PDZRN4: variants seen among roughly 807,000 people sequenced by gnomAD.
The protein encoded by PDZRN4 is PDZ domain-containing RING finger protein 4.
PDZRN4 carries 70 observed loss-of-function variants against 99.0 expected under a neutral mutation model. That is an observed-to-expected ratio of 0.71 (90% confidence interval 0.58 to 0.86). The LOEUF is 0.86. Ranked by LOEUF, PDZRN4 falls within the 40% of genes least tolerant of loss-of-function variation. The probability of loss-of-function intolerance (pLI) is 0.00; values close to 1 mark genes in which losing one functional copy is unlikely to be tolerated. For missense variants in PDZRN4, 1,474 were observed against 1,331.2 expected, an observed-to-expected ratio of 1.11 and a Z score of -1.67; for synonymous variants, 551 against 501.6, an observed-to-expected ratio of 1.10 and a Z score of -1.32.
intron 3 of PDZRN4, among the ~76,000 whole-genome samples, chr12:41,212,375 T>G (rs2120700853): frequency 6.6e-6 from 1 of 152,128 alleles, no homozygotes; most frequent in South Asian, 2.1e-4. Flanking sequence ...TTTTTTTCCC[T>G]ACTATTTTTA....
At chr12:41,264,616 A>T (rs1454957808) in intron 3 of PDZRN4, among the ~76,000 whole-genome samples, 2 of 152,218 alleles carry the variant, frequency 1.3e-5, no homozygotes, top group African/African-American at 4.8e-5. Flanking sequence ...TTTCTGAAAC[A>T]CAAACCATCA....
At chr12:41,204,184 A>G (rs886570907) in intron 3 of PDZRN4, among the ~76,000 whole-genome samples, 1 of 151,956 alleles carries the variant, frequency 6.6e-6, no homozygotes, top group Non-Finnish European at 1.5e-5. Flanking sequence ...CCTTTCTTTT[A>G]TTCTCTTCAT....
At chr12:41,556,069 T>G (rs998488890) in intron 7 of PDZRN4, among the ~76,000 whole-genome samples, 12 of 152,122 alleles carry the variant, frequency 7.9e-5, no homozygotes, top group African/African-American at 2.9e-4. Context: ...TTCCTCATCT[T>G]AAAAAAATGG....
chr12:41,444,107 A>C (rs1952703230), intron 3 of PDZRN4, among the ~76,000 whole-genome samples: 2 of 152,142 alleles, frequency 1.3e-5, no homozygotes, highest in African/African-American at 4.8e-5. Flanking sequence ...GGTCAATTGC[A>C]TTAGAGTGTG....
chr12:41,348,171 T>C (rs1233870774), intron 3 of PDZRN4, among the ~76,000 whole-genome samples: 1 of 152,088 alleles, frequency 6.6e-6, no homozygotes, highest in Non-Finnish European at 1.5e-5. Flanking sequence ...CTAGTAAAAA[T>C]CAAGTAAATC....
chr12:41,226,999 A>G (rs1950999380), intron 3 of PDZRN4, among the ~76,000 whole-genome samples: 1 of 152,176 alleles, frequency 6.6e-6, no homozygotes, highest in Non-Finnish European at 1.5e-5. Flanking sequence ...GATATCCCAA[A>G]TTGCAAATAG....
At chr12:41,209,508 C>A (rs1379103795) in intron 3 of PDZRN4, among the ~76,000 whole-genome samples, 1 of 147,584 alleles carries the variant, frequency 6.8e-6, no homozygotes, top group Non-Finnish European at 1.5e-5. Context: ...CCCCCCACCC[C>A]ACAACAGGCC....
At chr12:41,218,050 T>C (rs1209627666) in intron 3 of PDZRN4, among the ~76,000 whole-genome samples, 1 of 152,070 alleles carries the variant, frequency 6.6e-6, no homozygotes, top group Non-Finnish European at 1.5e-5. Context: ...GGAGGCCAGT[T>C]TTCAAAAGCA....
At chr12:41,280,515 G>A (rs1951376532) in intron 3 of PDZRN4, among the ~76,000 whole-genome samples, 1 of 152,134 alleles carries the variant, frequency 6.6e-6, no homozygotes, top group East Asian at 1.9e-4. Context: ...TGGGACACTC[G>A]AGCTTGGTGC....
At chr12:41,257,706 G>A (rs1346095005) in intron 3 of PDZRN4, among the ~76,000 whole-genome samples, 1 of 152,142 alleles carries the variant, frequency 6.6e-6, no homozygotes, top group African/African-American at 2.4e-5. Context: ...CCAGGAGATT[G>A]GGTCTTTCAA....
At chr12:41,340,518 T>C (rs1951808377) in intron 3 of PDZRN4, among the ~76,000 whole-genome samples, 1 of 151,948 alleles carries the variant, frequency 6.6e-6, no homozygotes, top group Non-Finnish European at 1.5e-5. Context: ...ATCTAGTATT[T>C]GATAGCACAG....
chr12:41,483,151 A>G (rs924354150), intron 3 of PDZRN4, among the ~76,000 whole-genome samples: 5 of 151,964 alleles, frequency 3.3e-5, no homozygotes, highest in African/African-American at 9.7e-5. Flanking sequence ...TTACCCTTTT[A>G]TATTTTCCCC....
intron 3 of PDZRN4, among the ~76,000 whole-genome samples, chr12:41,365,893 C>T (rs1434625188): frequency 1.3e-5 from 2 of 152,128 alleles, no homozygotes; most frequent in African/African-American, 4.8e-5. Flanking sequence ...GTTGCCTGGC[C>T]TTTGCTCTCT....
chr12:41,333,469 C>T (rs949732821), intron 3 of PDZRN4, among the ~76,000 whole-genome samples: 1 of 152,100 alleles, frequency 6.6e-6, no homozygotes, highest in African/African-American at 2.4e-5. Context: ...AGTGGTCTGA[C>T]AGCAGGTTCT....
At chr12:41,270,312 G>T (rs1005605396) in intron 3 of PDZRN4, among the ~76,000 whole-genome samples, 1 of 106,142 alleles carries the variant, frequency 9.4e-6, no homozygotes, top group South Asian at 2.8e-4. Context: ...TGTGTGTGTG[G>T]TGTGTGTGTG....
At chr12:41,328,393 G>A (rs1165189517) in intron 3 of PDZRN4, among the ~76,000 whole-genome samples, 2 of 152,056 alleles carry the variant, frequency 1.3e-5, no homozygotes, top group African/African-American at 2.4e-5. Context: ...GCCCAGTTTG[G>A]TGTCACATGC....
At chr12:41,254,050 T>C (rs905975523) in intron 3 of PDZRN4, among the ~76,000 whole-genome samples, 1 of 151,808 alleles carries the variant, frequency 6.6e-6, no homozygotes, top group Non-Finnish European at 1.5e-5. Flanking sequence ...TGTGTGTGTG[T>C]GTGTGTTTGC....
chr12:41,491,523 A>AAAAT (rs1937885610), intron 3 of PDZRN4, among the ~76,000 whole-genome samples: 1 of 152,138 alleles, frequency 6.6e-6, no homozygotes, highest in Non-Finnish European at 1.5e-5. Context: ...CTCCATCTCA[A>AAAAT]AAACAAACAA....
chr12:41,446,418 AC>A (rs1952729226), intron 3 of PDZRN4, among the ~76,000 whole-genome samples: 1 of 152,024 alleles, frequency 6.6e-6, no homozygotes, highest in Non-Finnish European at 1.5e-5. Flanking sequence ...GAATTTCCAA[AC>A]TACTTAGTAT....
Sources: allele counts gnomAD v4.1 joint callset (sites outside exome capture counted in the v4.1 genomes callset), GRCh38; gene constraint gnomAD v4.1.1; transcripts MANE v1.5; gene names NCBI Gene and HGNC (gene_info 2026-07-23, HGNC 2026-07-21).